The following STX8 variants were observed in gnomAD, a reference collection of about 807,000 sequenced individuals.
STX8 encodes syntaxin-8.
A neutral mutation model predicts 37.5 loss-of-function variants in STX8; 23 were observed. The ratio of observed to expected loss-of-function variants is 0.61; its 90% CI spans 0.44 to 0.87. STX8 has a LOEUF of 0.87. Among genes scored for constraint, STX8 ranks in the 40% least tolerant of loss-of-function variants. The pLI is 0.00. For synonymous variants in STX8, 115 were observed against 99.1 expected, an observed-to-expected ratio of 1.16 and a Z score of -0.95; for missense variants, 313 against 284.7, an observed-to-expected ratio of 1.10 and a Z score of -0.71.
chr17:9,543,613 T>C (rs749587906), intron 4 of STX8, among the ~76,000 whole-genome samples: 1 of 152,190 alleles, frequency 6.6e-6, no homozygotes, highest in South Asian at 2.1e-4. Context: ...GCGACAGTAC[T>C]TTCTTTTCAC....
chr17:9,416,527 C>T (rs1247832977), intron 6 of STX8, among the ~76,000 whole-genome samples: 1 of 152,150 alleles, frequency 6.6e-6, no homozygotes, highest in South Asian at 2.1e-4. Context: ...TGCCACCACG[C>T]CCGGCTAATT....
chr17:9,397,912 C>T (rs143708383), intron 6 of STX8, among the ~76,000 whole-genome samples: 12,209 of 148,136 alleles, frequency 0.082, 768 homozygotes, highest in East Asian at 0.32. Context: ...CGCTTGAACC[C>T]GGGAGGCAGA....
chr17:9,480,573 G>A (rs1906287198), intron 6 of STX8, among the ~76,000 whole-genome samples: 1 of 152,114 alleles, frequency 6.6e-6, no homozygotes, highest in African/African-American at 2.4e-5. Context: ...CTAAATGGAA[G>A]TCCTTCCAAA....
At chr17:9,270,778 T>C (rs1055932902) in intron 7 of STX8, among the ~76,000 whole-genome samples, 2 of 152,240 alleles carry the variant, frequency 1.3e-5, no homozygotes, top group African/African-American at 4.8e-5. Context: ...CCAGTTGGTA[T>C]TGCTAAATTC....
At chr17:9,529,361 A>G (rs1472051666) in intron 4 of STX8, among the ~76,000 whole-genome samples, 1 of 152,224 alleles carries the variant, frequency 6.6e-6, no homozygotes, top group Admixed American at 6.5e-5. Context: ...ATATAACCAT[A>G]TCTACTCACA....
At chr17:9,410,248 G>C (rs1912936168) in intron 6 of STX8, among the ~76,000 whole-genome samples, 1 of 152,150 alleles carries the variant, frequency 6.6e-6, no homozygotes, top group Non-Finnish European at 1.5e-5. Context: ...TTATGATTGA[G>C]TTAATTTCTA....
At chr17:9,486,064 G>A (rs1274610815) in intron 6 of STX8, among the ~76,000 whole-genome samples, 1 of 152,142 alleles carries the variant, frequency 6.6e-6, no homozygotes, top group Non-Finnish European at 1.5e-5. Flanking sequence ...ATAAATAAAA[G>A]ATCCTAACAT....
intron 7 of STX8, among the ~76,000 whole-genome samples, chr17:9,270,522 G>A (rs1907417541): frequency 6.6e-6 from 1 of 152,024 alleles, no homozygotes; most frequent in African/African-American, 2.4e-5. Context: ...CCAAAGTGCT[G>A]GGATTACAGG....
chr17:9,295,546 C>G (rs1208156021), intron 7 of STX8, among the ~76,000 whole-genome samples: 1 of 152,100 alleles, frequency 6.6e-6, no homozygotes, highest in African/African-American at 2.4e-5. Context: ...AGTTCGAGAC[C>G]AGCCTGGCCA....
intron 7 of STX8, among the ~76,000 whole-genome samples, chr17:9,278,173 T>G (rs544549097): frequency 6.6e-6 from 1 of 151,300 alleles, no homozygotes; most frequent in African/African-American, 2.5e-5. Flanking sequence ...TAGGGCCGGA[T>G]GCAGTGGCTT....
intron 7 of STX8, among the ~76,000 whole-genome samples, chr17:9,329,349 G>A (rs1418000728): frequency 1.3e-5 from 2 of 152,182 alleles, no homozygotes; most frequent in Non-Finnish European, 2.9e-5. Context: ...GAAGAGAAAA[G>A]AGAGTCAGGA....
intron 7 of STX8, among the ~76,000 whole-genome samples, chr17:9,359,755 G>A (rs1219864339): frequency 2.0e-5 from 3 of 152,046 alleles, no homozygotes; most frequent in South Asian, 2.1e-4. Flanking sequence ...TGATCCGCCC[G>A]CCTTGGCCTC....
At chr17:9,517,637 T>G (rs1478493205) in intron 4 of STX8, among the ~76,000 whole-genome samples, 1 of 152,006 alleles carries the variant, frequency 6.6e-6, no homozygotes, top group African/African-American at 2.4e-5. Flanking sequence ...AGGCATTTCC[T>G]TTCTACCACT....
rs186270793 is a variant in STX8, at chr17:9,316,706, T to C, written c.643+61846A>G. On this transcript the variant is annotated intron_variant, in intron 7 of 7. Transcript: ENST00000306357. ...GTGTTTCTTGGAGTTCCGTGACCCA[T>C]TTTAAGCAAATAATCGAACCCAAGG... 1.1e-4 allele frequency among the ~76,000 whole-genome samples: 16 copies of C among 152,290 alleles called. No individual in the cohort carries two copies. In the East Asian group the frequency reaches 3.1e-3, roughly 29 times the overall value.
chr17:9,274,570 G>A (rs1204582875), intron 7 of STX8, among the ~76,000 whole-genome samples: 1 of 150,546 alleles, frequency 6.6e-6, no homozygotes, highest in African/African-American at 2.4e-5. Context: ...CAGCTACTTG[G>A]GAGGCTAAGG....
At chr17:9,305,114 G>C (rs1217874101) in intron 7 of STX8, among the ~76,000 whole-genome samples, 1 of 151,596 alleles carries the variant, frequency 6.6e-6, no homozygotes, top group Non-Finnish European at 1.5e-5. Context: ...TATTTTTTGA[G>C]ATGGAGTCTC....
intron 7 of STX8, among the ~76,000 whole-genome samples, chr17:9,287,830 A>G (rs1464803717): frequency 6.6e-6 from 1 of 151,796 alleles, no homozygotes; most frequent in African/African-American, 2.4e-5. Context: ...GGCTCACTGC[A>G]ACCTCTGCCT....
intron 7 of STX8, among the ~76,000 whole-genome samples, chr17:9,338,048 A>ATTTTTTTTT (rs972471091): frequency 1.1e-3 from 119 of 107,880 alleles, no homozygotes; most frequent in African/African-American, 1.4e-3. Flanking sequence ...CCTCTGAAGG[A>ATTTTTTTTT]TTTTTTTTTT....
intron 6 of STX8, among the ~76,000 whole-genome samples, chr17:9,409,226 C>A (rs1336463416): frequency 6.6e-6 from 1 of 152,168 alleles, no homozygotes; most frequent in Non-Finnish European, 1.5e-5. Flanking sequence ...AGAAAGGAGT[C>A]TTTCCGGTTT....
Sources: gnomAD v4.1 joint callset for allele counts (sites outside exome capture counted in the v4.1 genomes callset) on GRCh38, gnomAD v4.1.1 for gene constraint, MANE v1.5 for transcripts, NCBI Gene and HGNC (gene_info 2026-07-23, HGNC 2026-07-21) for gene names.